The following SLC7A3 variants were observed in gnomAD, a reference collection of about 807,000 sequenced individuals.
The protein encoded by SLC7A3 is solute carrier family 7 member 3, also known as cationic amino acid transporter 3.
In SLC7A3, 3 loss-of-function variants were observed where a neutral mutation model predicts 33.2. The ratio of observed to expected loss-of-function variants is 0.09; its 90% CI spans 0.04 to 0.23. The LOEUF (loss-of-function observed/expected upper bound fraction) is 0.23. Ranked by LOEUF, SLC7A3 falls within the 10% of genes least tolerant of loss-of-function variation. SLC7A3 has a pLI of 1.00. For missense variants in SLC7A3, 360 were observed against 488.8 expected (o/e 0.74, Z 2.48); for synonymous variants, 193 against 195.1 (o/e 0.99, Z 0.09).
At chrX:70,928,345 T>G in intron 4 of SLC7A3, 88 bp from the exon 5 acceptor site, 1 of 1,102,053 alleles carries the variant, frequency 9.1e-7, no homozygotes, top group Non-Finnish European at 1.2e-6. Context: ...TAGCTAGGTC[T>G]TCAAAGCCCA....
intron 3 of SLC7A3, 44 bp from the exon 4 acceptor site, chrX:70,928,677 C>A (rs1206486269): frequency 9.6e-6 from 11 of 1,149,139 alleles, no homozygotes; most frequent in Admixed American, 2.6e-5. Flanking sequence ...GTCTTCAGTC[C>A]AAGCTTTGTT....
In SLC7A3 at chrX:70,928,441, G is replaced by A. The variant is rs752703037; in HGVS notation, c.707+15C>T. On this transcript the variant is annotated intron_variant, in intron 4 of 11. Coordinates refer to ENST00000374299, the MANE Select transcript of SLC7A3 (RefSeq NM_032803.6). The stretch of plus-strand genomic sequence containing the variant: ...ATTTTCCCAGCTCTGCAGCTCCTAA[G>A]AGTGACCATCTAACCTATAGGTGTC... The A allele has an allele frequency of 5.0e-6, 6 of 1,191,890 alleles. No homozygotes were observed. The highest frequency in any genetic ancestry group is 6.8e-6 in the Non-Finnish European group (6 of 885,384).
chrX:70,927,302 C>T lies in SLC7A3; in HGVS notation c.1266G>A (p.Ser422=), dbSNP rs187170506. 31 of 1,208,276 alleles carry T rather than the reference C, an allele frequency of 2.6e-5. No individual in the cohort carries two copies. The highest frequency in any genetic ancestry group is 2.4e-4 in the East Asian group (8 of 33,755). Residue 422 remains serine, a synonymous_variant, in exon 8 of 12, where the codon TCG becomes TCA. Transcript: ENST00000374299. The part of the protein sequence containing the change: ...IGTLLAYSLV[S]ICVLILRYQP... ...CTCACCTGAGGATGAGAACACAAAT[C>T]GACACCAGGGAGTAAGCAAGCAGGG...
At position 70,928,164 on chromosome X, in the gene SLC7A3, G is replaced by A. The variant is rs777502856; in HGVS notation, c.801C>T (p.Phe267=). The A allele has an allele frequency of 4.1e-6, 5 of 1,208,668 alleles. No individual in the cohort carries two copies. The highest frequency in any genetic ancestry group is 5.9e-5 in the East Asian group (2 of 33,722). ...TGTTACCAGTGGTAGCAATACAGTC[G>A]AAACCAACAAATGCATAGAAACAGG... ...AATCFYAFVG[F]DCIATTGEEA... is the part of the protein sequence containing the mutation. Residue 267 remains phenylalanine, a synonymous_variant, in exon 5 of 12, where the codon TTC becomes TTT. Coordinates refer to ENST00000374299, the MANE Select transcript of SLC7A3 (RefSeq NM_032803.6).
intron 5 of SLC7A3, 41 bp downstream of exon 5, chrX:70,928,104 A>G (rs369544529): frequency 1.7e-6 from 2 of 1,178,034 alleles, no homozygotes; most frequent in African/African-American, 3.5e-5. Flanking sequence ...CTGGGCACAC[A>G]CTGTGCCCAA....
rs1602237537 is a variant in SLC7A3, at chrX:70,928,592, T to C, written c.571A>G (p.Lys191Glu). ...AAAAGGTTCACGCCTGTGAACACTT[T>C]GGTAACCAGGGCCGACTCACTAGCC... is the stretch of plus-strand genomic sequence containing the variant. ...LGASESALVT[K>E]VFTGVNLLVL... The change falls in exon 4 of 12, where the codon AAA becomes GAA. Residue 191 changes from lysine to glutamate, a missense_variant. Transcript: ENST00000374299. 1.7e-6 allele frequency: 2 copies of C among 1,205,126 alleles called. No homozygotes were observed. The highest frequency in any genetic ancestry group is 2.2e-6 in the Non-Finnish European group (2 of 893,062).
At chrX:70,928,800 C>T (rs1437737253) in intron 3 of SLC7A3, 44 bp downstream of exon 3, 2 of 1,203,634 alleles carry the variant, frequency 1.7e-6, no homozygotes, top group Admixed American at 2.2e-5. Context: ...GGACTAGCCC[C>T]TCCTGGCCCA....
chrX:70,927,611 G>A lies in SLC7A3; in HGVS notation c.1056C>T (p.Ser352=), dbSNP rs371343602. The A allele has an allele frequency of 8.3e-7, 1 of 1,207,461 alleles. No homozygotes were observed. The highest frequency in any genetic ancestry group is 1.1e-6 in the Non-Finnish European group (1 of 894,191). The stretch of plus-strand genomic sequence containing the variant: ...AGATCACCCGAGGCATGGGGAACAT[G>A]GAGCCCAGGAGGCTGGAGAGGAGAA... ...LCALSTSLLG[S]MFPMPRVIYA... Residue 352 remains serine (S), a synonymous_variant, in exon 7 of 12, where the codon TCC becomes TCT. Transcript: ENST00000374299.
rs1037211216 is a variant in SLC7A3 at position 70,930,030 on chromosome X, A to G, written c.-25-8T>C. 4.3e-6 allele frequency: 5 copies of G among 1,172,209 alleles called. No homozygotes were observed. In the African/African-American group the frequency reaches 7.1e-5, roughly 17 times the overall value. ...GGAATTGAAGAAGATGATCTGGTGA[A>G]AAACAAGACAAAAACCCCTCGACAG... is the stretch of plus-strand genomic sequence containing the variant. On this transcript the variant is annotated splice_polypyrimidine_tract_variant and splice_region_variant and intron_variant, in intron 1 of 11. Transcript: ENST00000374299.
intron 2 of SLC7A3, among the ~76,000 whole-genome samples, 187 bp downstream of exon 2, chrX:70,929,441 G>A (rs1489225502): frequency 1.3e-4 from 14 of 109,525 alleles, no homozygotes; most frequent in Non-Finnish European, 2.3e-4. Flanking sequence ...AGGAAACCAG[G>A]ACGGAGATGG....
At chrX:70,926,361 A>G (rs1007753472) in intron 10 of SLC7A3, among the ~76,000 whole-genome samples, 166 bp downstream of exon 10, 2 of 112,009 alleles carry the variant, frequency 1.8e-5, no homozygotes, top group South Asian at 3.8e-4. Context: ...TGGAACTGGA[A>G]AGGAACTAAA....
Position 70,928,797 on chromosome X carries a change from C to A in SLC7A3, c.529+47G>T, listed in dbSNP as rs756863293. 4.7e-5 allele frequency: 56 copies of A among 1,195,074 alleles called. No homozygotes were observed. The South Asian group carries it at 9.3e-4, about 20-fold the overall frequency. On this transcript the variant is annotated intron_variant, in intron 3 of 11. Transcript: ENST00000374299. ...CCTTATCCCTGGCCCCAAGGACTAG[C>A]CCCTCCTGGCCCAACCCCCACCATT...
intron 1 of SLC7A3, among the ~76,000 whole-genome samples, chrX:70,930,713 G>A (rs1404422401): frequency 1.8e-5 from 2 of 112,284 alleles, no homozygotes; most frequent in Admixed American, 1.9e-4. Context: ...GGCAGCCCGA[G>A]ATTGCTCGCA....
chrX:70,928,121 A>G (rs1174032797), intron 5 of SLC7A3, 24 bp downstream of exon 5: 1 of 1,198,653 alleles, frequency 8.3e-7, no homozygotes. Flanking sequence ...CCAAGCCCCA[A>G]ACAGAATGGA....
intron 10 of SLC7A3, 96 bp from the exon 11 acceptor site, chrX:70,926,274 T>G: frequency 1.3e-6 from 1 of 774,414 alleles, no homozygotes. Context: ...AGTCCAACTC[T>G]TACTTGTCCT....
rs770139501 is a variant in SLC7A3 at position 70,925,803 on chromosome X, T to A, written c.*10A>T. ...TGCAGGGGACCAGACAGCATTTAGG[T>A]GTGACGATGTCAAACTGAGTGGACA... On this transcript the variant is annotated 3_prime_UTR_variant, in exon 12 of 12. Transcript: ENST00000374299. 1.7e-6 allele frequency: 2 copies of A among 1,210,716 alleles called. No individual in the cohort carries two copies. The highest frequency in any genetic ancestry group is 5.9e-5 in the East Asian group (2 of 33,817).
rs924886149 is a variant in SLC7A3, at chrX:70,925,829, T to C, written c.1844A>G (p.Tyr615Cys). 3 of 1,209,296 alleles carry C rather than the reference T, an allele frequency of 2.5e-6. No individual in the cohort carries two copies. The highest frequency in any genetic ancestry group is 3.5e-5 in the African/African-American group (2 of 56,945). ...KTVDLDPGTL[Y>C]VHSV ...GTGACGATGTCAAACTGAGTGGACA[T>C]AGAGAGTGCCGGGATCAAGGTCTAC... The change falls in exon 12 of 12, where the codon TAT (tyrosine) becomes TGT (cysteine). Residue 615 changes from tyrosine (Y) to cysteine (C), a missense_variant. Coordinates refer to ENST00000374299, the MANE Select transcript of SLC7A3 (RefSeq NM_032803.6).
At chrX:70,927,434 T>A in intron 7 of SLC7A3, 50 bp from the exon 8 acceptor site, 1 of 1,209,872 alleles carries the variant, frequency 8.3e-7, no homozygotes, top group South Asian at 1.8e-5. Flanking sequence ...AGTGGCAAAG[T>A]TAAAGAAGTT....
In SLC7A3 at chrX:70,928,499, C is replaced by T. The variant is rs1489436679; in HGVS notation, c.664G>A (p.Glu222Lys). 1.7e-6 allele frequency: 2 copies of T among 1,204,630 alleles called. No individual in the cohort carries two copies. Among genetic ancestry groups the T allele is most frequent in the South Asian group, 1.8e-5 (1 of 55,517 alleles). Residue 222 changes from glutamate to lysine, a missense_variant, in exon 4 of 12, where the codon GAG becomes AAG. Transcript: ENST00000374299. The part of the protein sequence containing the change: ...GDVHNWKLTE[E>K]DYELAMAELN... ...TCAGCCATGGCCAATTCGTAGTCCTCTTCTGTGAGCTTCCAGTTGTGCACG... is the reference window on the plus strand; with the variant it reads ...TCAGCCATGGCCAATTCGTAGTCCTTTTCTGTGAGCTTCCAGTTGTGCACG...
Sources: gnomAD v4.1 joint callset for allele counts (sites outside exome capture counted in the v4.1 genomes callset) on GRCh38, gnomAD v4.1.1 for gene constraint, MANE v1.5 for transcripts, NCBI Gene and HGNC (gene_info 2026-07-23, HGNC 2026-07-21) for gene names.